The following KCNIP4 variants were observed in gnomAD, a reference collection of about 807,000 sequenced individuals.
The protein encoded by KCNIP4 is Kv channel-interacting protein 4.
KCNIP4 carries 12 observed loss-of-function variants against 34.0 expected under a neutral mutation model. The observed-to-expected ratio is 0.35, with a 90% CI of 0.23 to 0.57. The LOEUF (loss-of-function observed/expected upper bound fraction) is 0.57, where lower values mean the gene tolerates loss of function less well. Among genes scored for constraint, KCNIP4 ranks in the 20% least tolerant of loss-of-function variants. The pLI, the probability that KCNIP4 is intolerant of heterozygous loss-of-function variation, is 0.83. For synonymous variants in KCNIP4, 124 were observed against 102.2 expected (o/e 1.21, Z -1.29); for missense variants, 238 against 311.7 (o/e 0.76, Z 1.78).
intron 1 of KCNIP4, among the ~76,000 whole-genome samples, chr4:21,134,617 G>A (rs922491792): frequency 2.6e-5 from 4 of 152,094 alleles, no homozygotes; most frequent in African/African-American, 9.7e-5. Context: ...TGGCCATCCT[G>A]TTCTTGAAAT....
intron 1 of KCNIP4, among the ~76,000 whole-genome samples, chr4:21,400,627 G>A (rs903883660): frequency 6.7e-6 from 1 of 149,788 alleles, no homozygotes; most frequent in Non-Finnish European, 1.5e-5. Flanking sequence ...TAATTATGAT[G>A]TTGTTTATCA....
At chr4:21,301,838 T>C (rs1711744844) in intron 1 of KCNIP4, among the ~76,000 whole-genome samples, 3 of 152,336 alleles carry the variant, frequency 2.0e-5, no homozygotes, top group Admixed American at 1.3e-4. Context: ...AATTAAATCT[T>C]GTTTTAAAGG....
At chr4:21,527,939 A>G (rs1390177703) in intron 1 of KCNIP4, among the ~76,000 whole-genome samples, 1 of 152,130 alleles carries the variant, frequency 6.6e-6, no homozygotes, top group Non-Finnish European at 1.5e-5. Flanking sequence ...CCTCCTAGGT[A>G]CAAGTCCCAT....
At chr4:21,929,563 T>G (rs910273763) in intron 1 of KCNIP4, among the ~76,000 whole-genome samples, 1 of 152,140 alleles carries the variant, frequency 6.6e-6, no homozygotes, top group African/African-American at 2.4e-5. Flanking sequence ...ACTGTTCTAA[T>G]GAGGCCAATG....
chr4:21,071,108 A>G (rs1330827370), intron 1 of KCNIP4, among the ~76,000 whole-genome samples: 1 of 151,986 alleles, frequency 6.6e-6, no homozygotes, highest in Non-Finnish European at 1.5e-5. Flanking sequence ...AGGTTGTTTA[A>G]TTTTGATGAA....
At position 21,828,214 on chromosome 4, in the gene KCNIP4, C is replaced by T. The variant is rs555402603; in HGVS notation, c.61+120357G>A. ...ATAGAATTTTTAAAATAATACATAA[C>T]AATTGAAATTAATAATAAAATGATT... On this transcript the variant is annotated intron_variant, in intron 1 of 8. Coordinates refer to ENST00000382152, the MANE Select transcript of KCNIP4 (RefSeq NM_025221.6). 1.9e-4 allele frequency among the ~76,000 whole-genome samples: 28 copies of T among 151,316 alleles called. No homozygotes were observed. In the South Asian group the frequency reaches 2.3e-3, roughly 12 times the overall value.
intron 1 of KCNIP4, among the ~76,000 whole-genome samples, chr4:21,179,405 A>C (rs2109318357): frequency 6.6e-6 from 1 of 152,350 alleles, no homozygotes; most frequent in African/African-American, 2.4e-5. Context: ...ATGTGTACAA[A>C]GATTTTTGAT....
intron 1 of KCNIP4, among the ~76,000 whole-genome samples, chr4:21,320,971 A>G (rs1714338040): frequency 6.6e-6 from 1 of 151,386 alleles, no homozygotes; most frequent in Admixed American, 6.6e-5. Context: ...TCTTAAAAAA[A>G]AAAAAAAAAA....
chr4:21,745,473 T>C (rs1716707666), intron 1 of KCNIP4, among the ~76,000 whole-genome samples: 1 of 152,184 alleles, frequency 6.6e-6, no homozygotes, highest in South Asian at 2.1e-4. Context: ...ATAGAAAATA[T>C]CTTACATGAG....
intron 1 of KCNIP4, among the ~76,000 whole-genome samples, chr4:21,893,276 T>C (rs1333475919): frequency 1.3e-5 from 2 of 152,184 alleles, no homozygotes; most frequent in African/African-American, 4.8e-5. Context: ...TGCATATCTA[T>C]GCCAGAAATC....
At chr4:21,247,505 T>C (rs1362163989) in intron 1 of KCNIP4, among the ~76,000 whole-genome samples, 3 of 149,894 alleles carry the variant, frequency 2.0e-5, no homozygotes, top group Non-Finnish European at 4.4e-5. Flanking sequence ...CCAATATGCA[T>C]GCAGAGGGAC....
intron 1 of KCNIP4, among the ~76,000 whole-genome samples, chr4:20,934,859 TG>T (rs1730892867): frequency 6.6e-6 from 1 of 152,202 alleles, no homozygotes. Flanking sequence ...CTCACAGCCC[TG>T]GAGGCTGGAA....
At chr4:20,740,703 G>A (rs1750851182) in intron 5 of KCNIP4, among the ~76,000 whole-genome samples, 1 of 152,122 alleles carries the variant, frequency 6.6e-6, no homozygotes, top group Non-Finnish European at 1.5e-5. Flanking sequence ...CATAATGACA[G>A]GATCAAATTC....
chr4:21,935,962 T>TTTTATA (rs145463167), intron 1 of KCNIP4, among the ~76,000 whole-genome samples: 34 of 148,052 alleles, frequency 2.3e-4, no homozygotes, highest in African/African-American at 5.2e-4. Context: ...GAAATGAAGA[T>TTTTATA]TATATATATA....
At chr4:21,934,062 G>A (rs890715461) in intron 1 of KCNIP4, among the ~76,000 whole-genome samples, 1 of 152,018 alleles carries the variant, frequency 6.6e-6, no homozygotes, top group African/African-American at 2.4e-5. Context: ...ATTCTGAGTT[G>A]GTTAGTCTTA....
At chr4:20,792,776 A>G (rs1002552081) in intron 3 of KCNIP4, among the ~76,000 whole-genome samples, 6 of 152,308 alleles carry the variant, frequency 3.9e-5, no homozygotes, top group Middle Eastern at 3.4e-3. Flanking sequence ...ATATGATAAA[A>G]TTACAAAGAG....
At chr4:21,651,639 G>A (rs530889672) in intron 1 of KCNIP4, among the ~76,000 whole-genome samples, 19 of 152,100 alleles carry the variant, frequency 1.2e-4, no homozygotes, top group African/African-American at 4.3e-4. Context: ...TACATAATTA[G>A]CAAGAGCCAA....
chr4:21,262,000 A>G (rs1761501337), intron 1 of KCNIP4, among the ~76,000 whole-genome samples: 1 of 152,128 alleles, frequency 6.6e-6, no homozygotes, highest in Non-Finnish European at 1.5e-5. Context: ...GATAGCTTAC[A>G]AATTTCTGGA....
At chr4:21,822,799 C>T (rs547169477) in intron 1 of KCNIP4, among the ~76,000 whole-genome samples, 1 of 148,708 alleles carries the variant, frequency 6.7e-6, no homozygotes, top group Admixed American at 6.8e-5. Context: ...CTCACTGCAA[C>T]CTCTGCCTTC....
Sources: gnomAD v4.1 joint callset for allele counts (sites outside exome capture counted in the v4.1 genomes callset) on GRCh38, gnomAD v4.1.1 for gene constraint, MANE v1.5 for transcripts, NCBI Gene and HGNC (gene_info 2026-07-23, HGNC 2026-07-21) for gene names.